Variants in CPNE4 observed in about 807,000 individuals in gnomAD.
CPNE4 encodes copine-4.
Under a neutral mutation model 67.9 loss-of-function variants are expected in CPNE4, and 25 were observed. That is an observed-to-expected ratio of 0.37 (90% CI 0.27 to 0.51). The LOEUF is 0.51. CPNE4 is among the 20% of genes least tolerant of loss of function. The pLI, the probability that CPNE4 is intolerant of heterozygous loss-of-function variation, is 0.93. For missense variants in CPNE4, 464 were observed against 690.8 expected, an observed-to-expected ratio of 0.67 and a Z score of 3.68; for synonymous variants, 242 against 244.9, an observed-to-expected ratio of 0.99 and a Z score of 0.11.
intron 2 of CPNE4, among the ~76,000 whole-genome samples, chr3:131,744,775 T>G (rs2082446737): frequency 6.6e-6 from 1 of 152,252 alleles, no homozygotes; most frequent in Admixed American, 6.5e-5. Flanking sequence ...AATTTGTTCC[T>G]CTTTACTGCT....
chr3:131,814,815 G>A (rs147649843), intron 2 of CPNE4, among the ~76,000 whole-genome samples: 1,535 of 147,970 alleles, frequency 0.01, 146 homozygotes, highest in African/African-American at 0.038. Flanking sequence ...CGTTATAGCC[G>A]GGATGGTCTC....
chr3:131,789,306 G>A (rs143825651), intron 2 of CPNE4, among the ~76,000 whole-genome samples: 197 of 152,248 alleles, frequency 1.3e-3, no homozygotes, highest in Non-Finnish European at 1.5e-3. Context: ...GGTGACTGAC[G>A]CCCTTGTACT....
At position 131,908,504 on chromosome 3, in the gene CPNE4, C is replaced by T. The variant is rs375912361; in HGVS notation, c.-1-3060G>A. On this transcript the variant is annotated intron_variant, in intron 1 of 15. Transcript: ENST00000429747. ...CCGCTTTTCCCAATGCATTAACTGG[C>T]TCCTTGGAATCTACACTCCTCTTCT... 6.6e-5 allele frequency among the ~76,000 whole-genome samples: 10 copies of T among 151,190 alleles called. 1 individual carries two copies. Among genetic ancestry groups the T allele is most frequent in the African/African-American group, 2.4e-4 (10 of 41,192 alleles).
At chr3:131,564,403 G>A (rs1215222173) in intron 10 of CPNE4, 54 bp from the exon 11 acceptor site, 3 of 1,556,518 alleles carry the variant, frequency 1.9e-6, no homozygotes, top group East Asian at 4.5e-5. Context: ...CATCTCCTAA[G>A]AATTGTGATC....
chr3:131,863,012 T>A (rs183236920), intron 2 of CPNE4, among the ~76,000 whole-genome samples: 9,192 of 148,018 alleles, frequency 0.062, 415 homozygotes, highest in East Asian at 0.14. Context: ...TCCAGCTTCA[T>A]CCATGTCCCT....
chr3:131,555,688 G>A (rs1196316526), intron 11 of CPNE4, 137 bp from the exon 12 acceptor site: 7 of 702,372 alleles, frequency 1.0e-5, no homozygotes, highest in Non-Finnish European at 1.5e-5. Context: ...CTTCTTGATT[G>A]TCTGTGGTGA....
chr3:132,037,521 T>C (rs530588187), upstream of CPNE4: 18 of 1,504,312 alleles, frequency 1.2e-5, no homozygotes, highest in South Asian at 8.4e-5. Flanking sequence ...CCCTCAACAA[T>C]TGTAACATCA....
intron 7 of CPNE4, among the ~76,000 whole-genome samples, chr3:131,634,716 C>A (rs1185261742): frequency 6.6e-6 from 1 of 152,064 alleles, no homozygotes; most frequent in Non-Finnish European, 1.5e-5. Context: ...AAAATTGAAG[C>A]AATGTTCTTT....
At chr3:131,621,178 G>A (rs1940443893) in intron 7 of CPNE4, among the ~76,000 whole-genome samples, 1 of 152,162 alleles carries the variant, frequency 6.6e-6, no homozygotes, top group African/African-American at 2.4e-5. Flanking sequence ...GACCCATGGA[G>A]TTTCTGTTCC....
intron 1 of CPNE4, among the ~76,000 whole-genome samples, chr3:131,927,522 C>A (rs1474401344): frequency 1.3e-5 from 2 of 152,146 alleles, no homozygotes; most frequent in African/African-American, 4.8e-5. Flanking sequence ...TGATCCTACT[C>A]CAGACTGGGT....
chr3:132,028,294 A>G (rs2074158627), intron 1 of CPNE4, among the ~76,000 whole-genome samples: 1 of 152,208 alleles, frequency 6.6e-6, no homozygotes, highest in Non-Finnish European at 1.5e-5. Context: ...GTCCTTTGAG[A>G]CAAACCAAAT....
intron 3 of CPNE4, among the ~76,000 whole-genome samples, chr3:131,705,538 G>A (rs2081395820): frequency 1.3e-5 from 2 of 152,174 alleles, no homozygotes; most frequent in Non-Finnish European, 2.9e-5. Flanking sequence ...ACTGAGGAAG[G>A]CACAATGCTG....
At chr3:131,738,906 G>A (rs2082300078) in intron 2 of CPNE4, among the ~76,000 whole-genome samples, 1 of 147,360 alleles carries the variant, frequency 6.8e-6, no homozygotes, top group Non-Finnish European at 1.5e-5. Flanking sequence ...CCAGGCTAGA[G>A]TGCAGTGGTG....
At chr3:131,561,480 G>T (rs60072150) in intron 11 of CPNE4, among the ~76,000 whole-genome samples, 1 of 152,010 alleles carries the variant, frequency 6.6e-6, no homozygotes, top group African/African-American at 2.4e-5. Context: ...GAACAGGCAG[G>T]CAGGCTTGAG....
intron 1 of CPNE4, among the ~76,000 whole-genome samples, chr3:131,984,126 G>A (rs192247645): frequency 6.6e-6 from 1 of 152,102 alleles, no homozygotes; most frequent in Admixed American, 6.6e-5. Context: ...AGCTAGGCAG[G>A]TAATGTTTTC....
intron 2 of CPNE4, among the ~76,000 whole-genome samples, chr3:131,897,873 C>CAG (rs1368931016): frequency 1.3e-4 from 19 of 150,864 alleles, no homozygotes; most frequent in Non-Finnish European, 2.5e-4. Flanking sequence ...ACCTGGGCAA[C>CAG]AGAGAGAGAG....
intron 2 of CPNE4, among the ~76,000 whole-genome samples, chr3:131,855,248 T>G (rs912939332): frequency 2.0e-5 from 3 of 151,910 alleles, no homozygotes; most frequent in Non-Finnish European, 4.4e-5. Context: ...AAGTCTTAGA[T>G]CTCCCACTTG....
chr3:131,864,508 G>C (rs577631805), intron 2 of CPNE4, among the ~76,000 whole-genome samples: 1 of 151,936 alleles, frequency 6.6e-6, no homozygotes, highest in South Asian at 2.1e-4. Context: ...CTCTCTGTTT[G>C]TCTGTTATTG....
chr3:132,028,326 C>A (rs753774989), intron 1 of CPNE4, among the ~76,000 whole-genome samples: 9 of 152,192 alleles, frequency 5.9e-5, no homozygotes, highest in Non-Finnish European at 1.2e-4. Context: ...TATCTCTTAC[C>A]TAGCATCATT....
Sources: gnomAD v4.1 joint callset for allele counts (sites outside exome capture counted in the v4.1 genomes callset) on GRCh38, gnomAD v4.1.1 for gene constraint, MANE v1.5 for transcripts, NCBI Gene and HGNC (gene_info 2026-07-23, HGNC 2026-07-21) for gene names.